Variants in EPHA5 observed in about 807,000 individuals in gnomAD.
EPHA5 encodes ephrin type-A receptor 5.
In EPHA5, 60 loss-of-function variants were observed where a neutral mutation model predicts 105.0. The observed-to-expected ratio is 0.57, with a 90% confidence interval of 0.46 to 0.71. EPHA5 has a LOEUF of 0.71. Ranked by LOEUF, EPHA5 falls within the 30% of genes least tolerant of loss-of-function variation. The probability of loss-of-function intolerance (pLI) is 0.00; values close to 1 mark genes in which losing one functional copy is unlikely to be tolerated. For missense variants in EPHA5, 1,218 were observed against 1,274.7 expected, an observed-to-expected ratio of 0.96 and a Z score of 0.68; for synonymous variants, 513 against 449.1, an observed-to-expected ratio of 1.14 and a Z score of -1.80.
intron 8 of EPHA5, among the ~76,000 whole-genome samples, chr4:65,393,808 A>C (rs1183166904): frequency 1.3e-5 from 2 of 152,158 alleles, no homozygotes; most frequent in African/African-American, 4.8e-5. Flanking sequence ...AATAAATCCA[A>C]GACAACAACA....
chr4:65,428,996 A>G lies in EPHA5; in HGVS notation c.1403-8431T>C, dbSNP rs144618135. Among the ~76,000 whole-genome samples the G allele has an allele frequency of 2.3e-3, 344 of 152,186 alleles. 1 individual carries two copies. The highest frequency in any genetic ancestry group is 7.9e-3 in the African/African-American group (329 of 41,574). ...TGCCTCCTTCTGAATAGCAAAATTA[A>G]TCTCACACCAAATTAATTGTCATTG... is the stretch of plus-strand genomic sequence containing the variant. On this transcript the variant is annotated intron_variant, in intron 5 of 16. Coordinates refer to ENST00000613740, the MANE Select transcript of EPHA5 (RefSeq NM_001281766.3).
chr4:65,595,779 A>G (rs1743117751), intron 3 of EPHA5, among the ~76,000 whole-genome samples: 1 of 151,930 alleles, frequency 6.6e-6, no homozygotes, highest in South Asian at 2.1e-4. Context: ...ACGAGGTTTC[A>G]CCATGTTAGC....
intron 8 of EPHA5, among the ~76,000 whole-genome samples, 200 bp from the exon 9 acceptor site, chr4:65,367,624 C>T (rs931592766): frequency 6.6e-6 from 1 of 152,056 alleles, no homozygotes; most frequent in African/African-American, 2.4e-5. Flanking sequence ...AATAATCTTG[C>T]CCAGATTTCA....
In EPHA5 at chr4:65,615,082, C is replaced by A. The variant is rs184303237; in HGVS notation, c.247-12778G>T. On this transcript the variant is annotated intron_variant, in intron 2 of 16. Coordinates refer to ENST00000613740, the MANE Select transcript of EPHA5 (RefSeq NM_001281766.3). ...ATGCTAAATTGTGTTTTGTTACATT[C>A]ATAACAAAGTGATAAAGTATAAAAT... Among the ~76,000 whole-genome samples, 196 of 151,648 alleles carry A rather than the reference C, an allele frequency of 1.3e-3. 2 individuals carry two copies. Among genetic ancestry groups the A allele is most frequent in the African/African-American group, 4.4e-3 (182 of 41,448 alleles).
In EPHA5 at chr4:65,573,964, T is replaced by C. The variant is rs547141406; in HGVS notation, c.910+27677A>G. The C allele has an allele frequency of 1.9e-6, 3 of 1,580,214 alleles. No individual in the cohort carries two copies. The South Asian group carries it at 3.3e-5, about 17-fold the overall frequency. ...AAGAGGGTGGTTTTCCTGAAGCAGC[T>C]GGCTAGTGGCTTATTACTTGTGACT... On this transcript the variant is annotated intron_variant, in intron 3 of 16. Coordinates refer to ENST00000613740, the MANE Select transcript of EPHA5 (RefSeq NM_001281766.3).
chr4:65,473,486 G>T (rs1729490104), intron 5 of EPHA5, among the ~76,000 whole-genome samples: 2 of 152,158 alleles, frequency 1.3e-5, no homozygotes, highest in South Asian at 2.1e-4. Flanking sequence ...TTTGGCAGAA[G>T]AAGAAACAGA....
At chr4:65,669,541 T>G (rs1750269832) in intron 1 of EPHA5, 21 bp downstream of exon 1, 6 of 1,369,420 alleles carry the variant, frequency 4.4e-6, no homozygotes, top group African/African-American at 1.5e-5. Flanking sequence ...GTCGCCACGG[T>G]CCCCACCCCC....
At chr4:65,570,165 A>G (rs1393919150) in intron 3 of EPHA5, among the ~76,000 whole-genome samples, 6 of 151,818 alleles carry the variant, frequency 4.0e-5, no homozygotes, top group Non-Finnish European at 8.9e-5. Flanking sequence ...TCATTCCTAA[A>G]AAGAAGATGA....
At chr4:65,377,328 C>G in intron 8 of EPHA5, among the ~76,000 whole-genome samples, 1 of 151,918 alleles carries the variant, frequency 6.6e-6, no homozygotes, top group African/African-American at 2.4e-5. Flanking sequence ...CCAATATATT[C>G]GAATTAATTG....
At chr4:65,387,754 C>T (rs988853006) in intron 8 of EPHA5, among the ~76,000 whole-genome samples, 3 of 151,820 alleles carry the variant, frequency 2.0e-5, no homozygotes, top group Admixed American at 1.3e-4. Context: ...GGAAGTCATA[C>T]AAATGTAGAA....
chr4:65,642,777 A>G (rs1415790518), intron 2 of EPHA5, among the ~76,000 whole-genome samples: 1 of 152,014 alleles, frequency 6.6e-6, no homozygotes, highest in East Asian at 1.9e-4. Flanking sequence ...AACCTTTGAT[A>G]TCATCTAAAA....
chr4:65,584,763 GA>G (rs1741952782), intron 3 of EPHA5, among the ~76,000 whole-genome samples: 1 of 151,946 alleles, frequency 6.6e-6, no homozygotes, highest in East Asian at 1.9e-4. Context: ...AGATAAAAAG[GA>G]TCAAGTGCCT....
intron 2 of EPHA5, among the ~76,000 whole-genome samples, chr4:65,637,729 T>C (rs1156423770): frequency 1.3e-5 from 2 of 151,698 alleles, no homozygotes; most frequent in African/African-American, 4.8e-5. Context: ...TGCTAGGTTT[T>C]ACTTATTCCG....
chr4:65,607,105 G>T, intron 2 of EPHA5, among the ~76,000 whole-genome samples: 1 of 151,902 alleles, frequency 6.6e-6, no homozygotes. Flanking sequence ...AATGTGTGTG[G>T]TATGTTTTGT....
chr4:65,352,598 G>A (rs552370748), intron 12 of EPHA5, among the ~76,000 whole-genome samples: 9 of 152,042 alleles, frequency 5.9e-5, no homozygotes, highest in Non-Finnish European at 1.2e-4. Context: ...TAGATTAGGA[G>A]CACTTATAGG....
In EPHA5 at chr4:65,365,676, T is replaced by TAA. The variant is rs1560458084; in HGVS notation, c.1987+255_1987+256insTT. Among the ~76,000 whole-genome samples, 35 of 110,532 alleles carry TAA rather than the reference T, an allele frequency of 3.2e-4. 4 individuals carry two copies. In the East Asian group the frequency reaches 8.3e-3, roughly 26 times the overall value. 72.5% of individuals were successfully genotyped at this position (110,532 alleles called of 152,430 possible). ...ATATATATATATATATATATATATATATATATATATATAGTGAAACATTAT... is the reference window on the plus strand; with the variant it reads ...ATATATATATATATATATATATATATAAATATATATATATAGTGAAACATTAT... On this transcript the variant is annotated intron_variant, in intron 10 of 16. Transcript: ENST00000613740.
intron 16 of EPHA5, among the ~76,000 whole-genome samples, chr4:65,324,783 A>AT (rs986324705): frequency 2.1e-4 from 30 of 141,056 alleles, no homozygotes; most frequent in South Asian, 1.1e-3. Context: ...AAGTACCAGA[A>AT]TTTTTTTTTA....
intron 5 of EPHA5, among the ~76,000 whole-genome samples, chr4:65,431,732 G>T (rs1430701018): frequency 6.6e-6 from 1 of 152,040 alleles, no homozygotes. Flanking sequence ...AAATAGTTTG[G>T]GAAAAGTATT....
intron 3 of EPHA5, among the ~76,000 whole-genome samples, chr4:65,566,466 T>A (rs1168002938): frequency 6.6e-6 from 1 of 151,834 alleles, no homozygotes; most frequent in Non-Finnish European, 1.5e-5. Context: ...TAAACTGTAA[T>A]GCCAATGGTG....
Sources: gnomAD v4.1 joint callset for allele counts (sites outside exome capture counted in the v4.1 genomes callset) on GRCh38, gnomAD v4.1.1 for gene constraint, MANE v1.5 for transcripts, NCBI Gene and HGNC (gene_info 2026-07-23, HGNC 2026-07-21) for gene names.